Variants in SLC29A1 observed in about 807,000 individuals in gnomAD.
SLC29A1 encodes solute carrier family 29 member 1 (Augustine blood group).
In SLC29A1, 22 loss-of-function variants were observed where a neutral mutation model predicts 48.3. The ratio of observed to expected loss-of-function variants is 0.46; its 90% CI spans 0.33 to 0.65. SLC29A1 has a LOEUF of 0.65. Among genes scored for constraint, SLC29A1 ranks in the 30% least tolerant of loss-of-function variants. SLC29A1 has a pLI of 0.03. For synonymous variants in SLC29A1, 228 were observed against 231.0 expected, an observed-to-expected ratio of 0.99 and a Z score of 0.12; for missense variants, 491 against 575.3, an observed-to-expected ratio of 0.85 and a Z score of 1.50.
chr6:44,226,706 C>A, intron 1 of SLC29A1: 1 of 988,136 alleles, frequency 1.0e-6, no homozygotes, highest in Non-Finnish European at 1.2e-6. Flanking sequence ...GGTGGAGAGA[C>A]CAGACTTGCA....
chr6:44,224,086 G>A (rs2128339325), intron 1 of SLC29A1: 1 of 366,432 alleles, frequency 2.7e-6, no homozygotes, highest in Non-Finnish European at 3.8e-6. Flanking sequence ...CTTTAACCCC[G>A]GTCTTTTACT....
chr6:44,227,412 G>A, intron 2 of SLC29A1, 70 bp downstream of exon 2: 2 of 1,374,952 alleles, frequency 1.5e-6, no homozygotes, highest in Non-Finnish European at 2.1e-6. Flanking sequence ...GGTGTCCTTT[G>A]GAATTGGGGG....
Position 44,223,985 on chromosome 6 carries a change from A to C in SLC29A1, c.-52+344A>C. The C allele has an allele frequency of 1.0e-6, 1 of 978,816 alleles. No individual in the cohort carries two copies. The highest frequency in any genetic ancestry group is 1.8e-5 in the African/African-American group (1 of 57,002). 60.6% of individuals were successfully genotyped at this position (978,816 alleles called of 1,614,324 possible). On this transcript the variant is annotated intron_variant, in intron 1 of 12. Transcript: ENST00000371755. This position sits in a 1 kb window ranked among gnomAD's most constrained non-coding sequence, Gnocchi z 5.0. ...GTATCAGGGAGGGGCCGTGCCGCTG[A>C]CTGCGCTGGCGGAGGGGTATGGGGA...
Position 44,229,749 on chromosome 6 carries a change from C to A in SLC29A1, c.272C>A (p.Pro91His). Reference sequence around the variant, plus strand: ...GTCATGACCCTATGTGCCATGCTGCCCCTGCTGTTATTCACCTACCTCAAC... The same window carrying A: ...GTCATGACCCTATGTGCCATGCTGCACCTGCTGTTATTCACCTACCTCAAC... ...NNVMTLCAMLPLLLFTYLNSF... is the reference protein window; with the variant it reads ...NNVMTLCAMLHLLLFTYLNSF... The change falls in exon 4 of 13, where the codon CCC (proline) becomes CAC (histidine). Residue 91 changes from proline (P) to histidine (H), a missense_variant. Pro to His is a moderately conservative substitution (Grantham distance 77). Coordinates refer to ENST00000371755, the MANE Select transcript of SLC29A1 (RefSeq NM_001372327.1). This position sits in a 1 kb window ranked among gnomAD's most constrained non-coding sequence, Gnocchi z 5.1. The A allele has an allele frequency of 6.2e-7, 1 of 1,613,912 alleles. No individual in the cohort carries two copies. Among genetic ancestry groups the A allele is most frequent in the Non-Finnish European group, 8.5e-7 (1 of 1,180,010 alleles).
intron 8 of SLC29A1, among the ~76,000 whole-genome samples, chr6:44,231,093 A>G (rs1341534468): frequency 2.0e-5 from 3 of 152,116 alleles, no homozygotes; most frequent in African/African-American, 7.2e-5. Flanking sequence ...ATGACCTTGA[A>G]TGCCTGAGGT....
rs932981136 is a variant in SLC29A1, at chr6:44,229,120, C to G, written c.30-270C>G. On this transcript the variant is annotated intron_variant, in intron 2 of 12. Transcript: ENST00000371755. The surrounding 1 kb of genome is among the most constrained non-coding windows in gnomAD (Gnocchi z 5.1). The stretch of plus-strand genomic sequence containing the variant: ...CTGGTTCCCAGCCTGCAGAGTCCCC[C>G]GAGCCTTCCAGGGCTGATAACCATG... Among the ~76,000 whole-genome samples, 1 of 152,174 alleles carries G rather than the reference C, an allele frequency of 6.6e-6. No individual in the cohort carries two copies. Among genetic ancestry groups the G allele is most frequent in the Non-Finnish European group, 1.5e-5 (1 of 68,036 alleles).
chr6:44,227,436 C>G, intron 2 of SLC29A1, 94 bp downstream of exon 2: 1 of 1,142,852 alleles, frequency 8.8e-7, no homozygotes. Context: ...CCATTGCTGG[C>G]TGGCCTTCCA....
In SLC29A1 at chr6:44,230,066, G is replaced by A; in HGVS notation, c.454+20G>A. 6.2e-7 allele frequency: 1 copy of A among 1,603,008 alleles called. No homozygotes were observed. Among genetic ancestry groups the A allele is most frequent in the South Asian group, 1.1e-5 (1 of 91,074 alleles). The stretch of plus-strand genomic sequence containing the variant: ...TTAATTGTAAGCTGGGCCAGGAGGG[G>A]GCCTATGGGAGGAGGCATGCCCAAC... On this transcript the variant is annotated intron_variant, in intron 5 of 12. Coordinates refer to ENST00000371755, the MANE Select transcript of SLC29A1 (RefSeq NM_001372327.1).
rs1399530202 is a variant in SLC29A1, at chr6:44,232,744, C to T, written c.1060-63C>T. 9.2e-6 allele frequency: 14 copies of T among 1,528,598 alleles called. No homozygotes were observed. The highest frequency in any genetic ancestry group is 2.3e-5 in the East Asian group (1 of 43,990). 94.7% of individuals were successfully genotyped at this position (1,528,598 alleles called of 1,614,324 possible). On this transcript the variant is annotated intron_variant, in intron 11 of 12. Coordinates refer to ENST00000371755, the MANE Select transcript of SLC29A1 (RefSeq NM_001372327.1). The surrounding 1 kb of genome is among the most constrained non-coding windows in gnomAD (Gnocchi z 4.7). ...GATCCTGAGGGGCCCCAGATGGATC[C>T]TTGGGGGCCTGGCTGTGCCCTGGGG...
chr6:44,222,883 A>T (rs992793062), upstream of SLC29A1, among the ~76,000 whole-genome samples: 3 of 152,236 alleles, frequency 2.0e-5, no homozygotes, highest in African/African-American at 7.2e-5. Context: ...AGGGTGAATT[A>T]TGAGGGAGCT....
At chr6:44,220,744 G>A (rs562948416), upstream of SLC29A1, among the ~76,000 whole-genome samples, 4 of 151,590 alleles carry the variant, frequency 2.6e-5, no homozygotes, top group South Asian at 8.3e-4. Flanking sequence ...AGACTCGCTT[G>A]AACCCAGGAG....
upstream of SLC29A1, among the ~76,000 whole-genome samples, chr6:44,220,344 ATTTTT>A (rs3997542): frequency 4.0e-5 from 5 of 126,514 alleles, no homozygotes; most frequent in African/African-American, 1.2e-4. Flanking sequence ...TGCTCAGCTA[ATTTTT>A]TTTTTTTTTT....
rs1460227968 is a variant in SLC29A1 at position 44,233,882 on chromosome 6, C to T, written c.*354C>T. 12 of 249,962 alleles carry T rather than the reference C, an allele frequency of 4.8e-5. No homozygotes were observed. Among genetic ancestry groups the T allele is most frequent in the Non-Finnish European group, 9.4e-5 (12 of 127,334 alleles). The allele number at this position is 249,962 out of a possible 1,614,324, so 15.5% of individuals were successfully genotyped here. A position where few individuals can be genotyped will look rare whatever the true frequency, so the allele number is the denominator to read the frequency against. On this transcript the variant is annotated 3_prime_UTR_variant, in exon 13 of 13. Coordinates refer to ENST00000371755, the MANE Select transcript of SLC29A1 (RefSeq NM_001372327.1). ...TGTGTCTGTGTGTCTGCGTCCGTGT[C>T]TGTCAGACTGTCTGCCTGTCCTGGG... is the stretch of plus-strand genomic sequence containing the variant.
In SLC29A1 at chr6:44,233,862, CTG is replaced by C; in HGVS notation, c.*340_*341del. ...AACACGTGTGTCTCTGTGTATGTGTCTGTGTGTCTGCGTCCGTGTCTGTCAGA... is the reference window on the plus strand; with the variant it reads ...AACACGTGTGTCTCTGTGTATGTGTCTGTGTCTGCGTCCGTGTCTGTCAGA... On this transcript the variant is annotated 3_prime_UTR_variant, in exon 13 of 13. Transcript: ENST00000371755. 3.3e-6 allele frequency: 1 copy of C among 302,352 alleles called. No individual in the cohort carries two copies. Among genetic ancestry groups the C allele is most frequent in the East Asian group, 7.5e-5 (1 of 13,358 alleles). 18.7% of individuals were successfully genotyped at this position (302,352 alleles called of 1,614,324 possible).
rs779358682 is a variant in SLC29A1, at chr6:44,233,535, A to G, written c.*7A>G. Reference sequence around the variant, plus strand: ...GTTCCGGGCAATTGTGTGACAAAGGATGGACAGAAGGACTGCCTGCCTCCC... The same window carrying G: ...GTTCCGGGCAATTGTGTGACAAAGGGTGGACAGAAGGACTGCCTGCCTCCC... On this transcript the variant is annotated 3_prime_UTR_variant, in exon 13 of 13. Coordinates refer to ENST00000371755, the MANE Select transcript of SLC29A1 (RefSeq NM_001372327.1). 1 of 1,607,198 alleles carries G rather than the reference A, an allele frequency of 6.2e-7. No individual in the cohort carries two copies. Among genetic ancestry groups the G allele is most frequent in the Non-Finnish European group, 8.5e-7 (1 of 1,173,760 alleles).
upstream of SLC29A1, chr6:44,221,620 G>A: frequency 7.8e-7 from 1 of 1,289,748 alleles, no homozygotes; most frequent in Non-Finnish European, 1.0e-6. The surrounding 1 kb of genome is among the most constrained non-coding windows in gnomAD (Gnocchi z 4.2). Context: ...AGAGAAGCCA[G>A]AAGACCAGGC....
chr6:44,220,569 C>T (rs1776240661), upstream of SLC29A1, among the ~76,000 whole-genome samples: 2 of 149,496 alleles, frequency 1.3e-5, no homozygotes, highest in South Asian at 4.3e-4. Flanking sequence ...CATCCCAGTG[C>T]TTTGGGAGGC....
chr6:44,221,777 C>A, upstream of SLC29A1: 1 of 499,870 alleles, frequency 2.0e-6, no homozygotes, highest in African/African-American at 2.0e-5. The surrounding 1 kb of genome is among the most constrained non-coding windows in gnomAD (Gnocchi z 4.2). Flanking sequence ...TGGGTGTTGG[C>A]TAGGGGCCCA....
At chr6:44,219,893 G>T, upstream of SLC29A1, 2 of 694,916 alleles carry the variant, frequency 2.9e-6, no homozygotes, top group South Asian at 3.5e-5. Context: ...GGACCCGCTG[G>T]GCTACAGTGT....
Sources: gnomAD v4.1 joint callset for allele counts (sites outside exome capture counted in the v4.1 genomes callset) on GRCh38, gnomAD v4.1.1 for gene constraint, Gnocchi (gnomAD v3.1) non-coding constraint, MANE v1.5 for transcripts, NCBI Gene and HGNC (gene_info 2026-07-23, HGNC 2026-07-21) for gene names.